The following CCSER1 variants were observed in gnomAD, a reference collection of about 807,000 sequenced individuals.
CCSER1 encodes the protein coiled-coil serine rich protein 1, also known as serine-rich coiled-coil domain-containing protein 1.
A neutral mutation model predicts 82.0 loss-of-function variants in CCSER1; 41 were observed. The observed-to-expected ratio is 0.50, with a 90% CI of 0.39 to 0.65. The LOEUF (loss-of-function observed/expected upper bound fraction) is 0.65. CCSER1 is among the 30% of genes least tolerant of loss of function. The pLI is 0.00. For synonymous variants in CCSER1, 414 were observed against 383.9 expected (o/e 1.08, Z -0.92); for missense variants, 1,119 against 1,064.2 (o/e 1.05, Z -0.72).
chr4:90,672,243 T>C (rs62314397), intron 6 of CCSER1, among the ~76,000 whole-genome samples: 18,403 of 151,984 alleles, frequency 0.12, 1,228 homozygotes, highest in East Asian at 0.23. Context: ...CTCCAGAAAA[T>C]CTGTTATTTA....
In CCSER1 at chr4:91,318,217, G is replaced by C. The variant is rs187864002; in HGVS notation, c.2217+232223G>C. 4.2e-3 allele frequency among the ~76,000 whole-genome samples: 634 copies of C among 151,908 alleles called. 3 individuals carry two copies. The highest frequency in any genetic ancestry group is 5.9e-3 in the Non-Finnish European group (403 of 67,896). On this transcript the variant is annotated intron_variant, in intron 10 of 10. Transcript: ENST00000509176. ...GAAAGGACTCCTGATACTTCAATAGGGAATTATTTTGCAATCAAACTGGCT... is the reference window on the plus strand; with the variant it reads ...GAAAGGACTCCTGATACTTCAATAGCGAATTATTTTGCAATCAAACTGGCT...
At chr4:90,871,070 C>T (rs1485666053) in intron 8 of CCSER1, among the ~76,000 whole-genome samples, 1 of 141,048 alleles carries the variant, frequency 7.1e-6, no homozygotes, top group Non-Finnish European at 1.6e-5. Flanking sequence ...TGGGTCTTCT[C>T]TCTTTTTTTC....
intron 10 of CCSER1, among the ~76,000 whole-genome samples, chr4:91,255,397 C>T (rs1484651006): frequency 6.6e-6 from 1 of 152,124 alleles, no homozygotes; most frequent in Non-Finnish European, 1.5e-5. Flanking sequence ...GAGGGAATGT[C>T]ACAGTTGATA....
chr4:90,141,020 ATATC>A (rs60163485), intron 1 of CCSER1, among the ~76,000 whole-genome samples: 147 of 145,976 alleles, frequency 1.0e-3, no homozygotes, highest in Middle Eastern at 6.9e-3. Flanking sequence ...ACCCAGCAAG[ATATC>A]TATCTATCTA....
chr4:90,551,249 C>T (rs1178359767), intron 5 of CCSER1, among the ~76,000 whole-genome samples: 1 of 152,090 alleles, frequency 6.6e-6, no homozygotes, highest in South Asian at 2.1e-4. Context: ...TTCCCTATGG[C>T]TCTTAGTGTA....
chr4:91,154,966 T>A (rs963638470), intron 10 of CCSER1, among the ~76,000 whole-genome samples: 1 of 151,810 alleles, frequency 6.6e-6, no homozygotes, highest in Admixed American at 6.6e-5. Flanking sequence ...AAAGGCAGAA[T>A]TCAATCTCAA....
chr4:91,480,972 G>C (rs1056512657), intron 10 of CCSER1, among the ~76,000 whole-genome samples: 6 of 152,008 alleles, frequency 3.9e-5, no homozygotes, highest in Non-Finnish European at 8.8e-5. Context: ...GAGAGGAAGA[G>C]GGAGAGAGAG....
chr4:91,604,383 C>A lies in CCSER1; in HGVS notation c.*5326C>A, dbSNP rs1486367623. ...AATCAAAATACTGTTCATTGAAAAG[C>A]AGTTTTAAAACAATTATTGACATTT... On this transcript the variant is annotated 3_prime_UTR_variant, in exon 11 of 11. Transcript: ENST00000509176. The A allele has an allele frequency of 6.6e-6, 1 of 151,998 alleles. No homozygotes were observed. Among genetic ancestry groups the A allele is most frequent in the Non-Finnish European group, 1.5e-5 (1 of 67,960 alleles). The allele number at this position is 151,998 out of a possible 1,614,324, so 9.4% of individuals were successfully genotyped here.
Position 91,599,589 on chromosome 4 carries a change from TG to T in CCSER1, c.*533del, listed in dbSNP as rs1764736244. On this transcript the variant is annotated 3_prime_UTR_variant, in exon 11 of 11. Transcript: ENST00000509176. ...GGCTTGCTTGCATGTAACCTAGAGA[TG>T]TGTTTGTCTCTATTACATACATTCA... 1 of 152,240 alleles carries T rather than the reference TG, an allele frequency of 6.6e-6. No homozygotes were observed. Among genetic ancestry groups the T allele is most frequent in the Non-Finnish European group, 1.5e-5 (1 of 68,098 alleles). 9.4% of individuals were successfully genotyped at this position (152,240 alleles called of 1,614,324 possible). A position where few individuals can be genotyped will look rare whatever the true frequency, so the allele number is the denominator to read the frequency against.
rs557717178 is a variant in CCSER1, at chr4:90,895,971, A to G, written c.2095-27399A>G. 2.2e-4 allele frequency among the ~76,000 whole-genome samples: 34 copies of G among 152,122 alleles called. No individual in the cohort carries two copies. The South Asian group carries it at 6.6e-3, about 30-fold the overall frequency. On this transcript the variant is annotated intron_variant, in intron 8 of 10. Transcript: ENST00000509176. ...CATATATTAAGTGATACAAAACTGG[A>G]AGAGAGAACACAGTTAAATGGTTAC...
chr4:91,530,875 C>T (rs772827542), intron 10 of CCSER1, among the ~76,000 whole-genome samples: 19 of 151,970 alleles, frequency 1.3e-4, no homozygotes, highest in South Asian at 2.1e-4. Context: ...TTAGCAGAGA[C>T]GGGGTTTCTC....
At position 91,167,983 on chromosome 4, in the gene CCSER1, C is replaced by T. The variant is rs536288735; in HGVS notation, c.2217+81989C>T. ...CTGGGAAGTGGGGAGCGCCTCTGCC[C>T]GGCTGCCCCATTTGGGAAGTGGGGA... On this transcript the variant is annotated intron_variant, in intron 10 of 10. Coordinates refer to ENST00000509176, the MANE Select transcript of CCSER1 (RefSeq NM_001145065.2). 2.2e-4 allele frequency among the ~76,000 whole-genome samples: 33 copies of T among 150,664 alleles called. 2 individuals carry two copies. In the South Asian group the frequency reaches 4.0e-3, roughly 18 times the overall value.
intron 5 of CCSER1, among the ~76,000 whole-genome samples, chr4:90,570,787 A>G (rs1414560203): frequency 6.6e-6 from 1 of 152,156 alleles, no homozygotes; most frequent in Non-Finnish European, 1.5e-5. Context: ...TGGCAGAGTA[A>G]GAGCCTACTG....
intron 9 of CCSER1, among the ~76,000 whole-genome samples, chr4:90,933,438 C>T (rs897781092): frequency 3.3e-5 from 5 of 151,406 alleles, no homozygotes; most frequent in Non-Finnish European, 7.4e-5. Context: ...CCGCCCACCT[C>T]GGCCTCCCCA....
chr4:91,570,297 G>C (rs1446518549), intron 10 of CCSER1, among the ~76,000 whole-genome samples: 1 of 147,970 alleles, frequency 6.8e-6, no homozygotes, highest in Non-Finnish European at 1.5e-5. Flanking sequence ...ACCATTCTGG[G>C]GCCTGGAGGA....
intron 9 of CCSER1, among the ~76,000 whole-genome samples, chr4:90,998,238 G>A (rs1010754379): frequency 3.3e-5 from 5 of 152,030 alleles, no homozygotes; most frequent in Admixed American, 2.6e-4. Flanking sequence ...GCGTCACCAC[G>A]TCCAGCTAAT....
intron 9 of CCSER1, among the ~76,000 whole-genome samples, chr4:91,023,468 A>T (rs895095369): frequency 3.5e-4 from 54 of 152,328 alleles, no homozygotes; most frequent in African/African-American, 1.3e-3. Context: ...GATATAGATC[A>T]ATGGGACAGA....
intron 10 of CCSER1, among the ~76,000 whole-genome samples, chr4:91,325,634 C>T (rs1746505701): frequency 1.3e-5 from 2 of 152,266 alleles, no homozygotes; most frequent in Middle Eastern, 3.4e-3. Flanking sequence ...AAAAGTCTCT[C>T]CTTTCATCCA....
intron 10 of CCSER1, among the ~76,000 whole-genome samples, chr4:91,208,841 A>G (rs945178962): frequency 2.0e-5 from 3 of 151,984 alleles, no homozygotes; most frequent in Non-Finnish European, 4.4e-5. Flanking sequence ...CTTCCTATCA[A>G]TGAGCATGGA....
Sources: allele counts gnomAD v4.1 joint callset (sites outside exome capture counted in the v4.1 genomes callset), GRCh38; gene constraint gnomAD v4.1.1; transcripts MANE v1.5; gene names NCBI Gene and HGNC (gene_info 2026-07-23, HGNC 2026-07-21).